Variants in ASIC2 observed in about 807,000 individuals in gnomAD.
ASIC2 encodes acid-sensing ion channel 2.
In ASIC2, 25 loss-of-function variants were observed where a neutral mutation model predicts 57.3. That is an observed-to-expected ratio of 0.44 (90% CI 0.32 to 0.61). The LOEUF (loss-of-function observed/expected upper bound fraction) is 0.61. ASIC2 is among the 20% of genes least tolerant of loss of function. The probability of loss-of-function intolerance (pLI) is 0.06; values close to 1 mark genes in which losing one functional copy is unlikely to be tolerated. For missense variants in ASIC2, 641 were observed against 738.1 expected (o/e 0.87, Z 1.52); for synonymous variants, 319 against 307.5 (o/e 1.04, Z -0.39).
At chr17:33,334,745 T>C (rs1907447764) in intron 1 of ASIC2, among the ~76,000 whole-genome samples, 1 of 152,210 alleles carries the variant, frequency 6.6e-6, no homozygotes, top group South Asian at 2.1e-4. Context: ...ATGGCTTGTG[T>C]GTCATCCTCT....
chr17:34,021,849 T>A (rs1418964986), intron 1 of ASIC2, among the ~76,000 whole-genome samples: 4 of 148,458 alleles, frequency 2.7e-5, no homozygotes, highest in Non-Finnish European at 6.0e-5. Flanking sequence ...TTTTTTTTTT[T>A]TTTTTTGAGA....
At chr17:33,458,178 G>A (rs111965759) in intron 1 of ASIC2, among the ~76,000 whole-genome samples, 3 of 152,112 alleles carry the variant, frequency 2.0e-5, no homozygotes, top group South Asian at 2.1e-4. Flanking sequence ...AAGAAGCCTC[G>A]AATCTCTAGG....
chr17:33,819,708 A>G (rs952182324), intron 1 of ASIC2, among the ~76,000 whole-genome samples: 1 of 152,230 alleles, frequency 6.6e-6, no homozygotes, highest in African/African-American at 2.4e-5. Flanking sequence ...GCTCGTGCCA[A>G]GCAAACTTGG....
intron 1 of ASIC2, among the ~76,000 whole-genome samples, chr17:33,789,786 C>A (rs1224588995): frequency 6.6e-6 from 1 of 152,108 alleles, no homozygotes; most frequent in Non-Finnish European, 1.5e-5. Flanking sequence ...ATTTTGGTCA[C>A]TTCTGTGCGT....
At chr17:34,037,798 T>C in intron 1 of ASIC2, 2 of 1,614,222 alleles carry the variant, frequency 1.2e-6, no homozygotes, top group Non-Finnish European at 1.7e-6. Context: ...TCAACGCCTT[T>C]GCTTCAGGTG....
At chr17:33,949,750 A>G (rs961354333) in intron 1 of ASIC2, among the ~76,000 whole-genome samples, 1 of 152,192 alleles carries the variant, frequency 6.6e-6, no homozygotes, top group African/African-American at 2.4e-5. Context: ...TTTGGTACCA[A>G]TCTTATCAAA....
intron 1 of ASIC2, among the ~76,000 whole-genome samples, chr17:33,415,151 G>C (rs535590914): frequency 6.7e-6 from 1 of 150,290 alleles, no homozygotes; most frequent in Non-Finnish European, 1.5e-5. Flanking sequence ...TCTAAGTTTT[G>C]GTTAAAACAT....
chr17:33,682,090 C>A (rs1420413501), intron 1 of ASIC2, among the ~76,000 whole-genome samples: 5 of 130,832 alleles, frequency 3.8e-5, no homozygotes, highest in Non-Finnish European at 6.2e-5. Flanking sequence ...GACAGAGTCT[C>A]TCTCTGTTGC....
At chr17:34,019,861 C>T (rs1229442445) in intron 1 of ASIC2, among the ~76,000 whole-genome samples, 2 of 152,206 alleles carry the variant, frequency 1.3e-5, no homozygotes, top group Non-Finnish European at 2.9e-5. Flanking sequence ...CTGCATTCAG[C>T]TCCAAGTTTT....
intron 3 of ASIC2, among the ~76,000 whole-genome samples, chr17:33,031,630 T>C (rs887073477): frequency 1.3e-5 from 2 of 152,216 alleles, no homozygotes; most frequent in African/African-American, 4.8e-5. Flanking sequence ...TTAATATTGT[T>C]GCTCGGATCT....
intron 1 of ASIC2, among the ~76,000 whole-genome samples, chr17:33,512,897 G>A (rs1304394422): frequency 1.3e-5 from 2 of 152,224 alleles, no homozygotes; most frequent in Non-Finnish European, 2.9e-5. Flanking sequence ...GTGCCAGCTG[G>A]TAGCCCCAGA....
chr17:33,053,878 G>A (rs1377268028), intron 3 of ASIC2, among the ~76,000 whole-genome samples: 1 of 152,184 alleles, frequency 6.6e-6, no homozygotes, highest in Non-Finnish European at 1.5e-5. Flanking sequence ...ATGACTGGCA[G>A]TTAGCAAAAT....
chr17:34,004,596 G>A (rs572043281), intron 1 of ASIC2: 2 of 152,200 alleles, frequency 1.3e-5, no homozygotes, highest in African/African-American at 4.8e-5. Context: ...GGCCTTTTCT[G>A]TGACCTTACG....
intron 1 of ASIC2, among the ~76,000 whole-genome samples, chr17:33,261,346 G>A (rs1197947517): frequency 6.6e-6 from 1 of 152,192 alleles, no homozygotes; most frequent in Non-Finnish European, 1.5e-5. Flanking sequence ...TTGTGGATTA[G>A]AAAACAGCTG....
intron 1 of ASIC2, among the ~76,000 whole-genome samples, chr17:34,076,317 T>G (rs1308394678): frequency 6.6e-6 from 1 of 152,122 alleles, no homozygotes; most frequent in Non-Finnish European, 1.5e-5. Context: ...CTTTCAAGTC[T>G]TTTGCTCACA....
intron 1 of ASIC2, among the ~76,000 whole-genome samples, chr17:34,145,906 G>T (rs1912404263): frequency 6.6e-6 from 1 of 152,226 alleles, no homozygotes; most frequent in African/African-American, 2.4e-5. Flanking sequence ...AAGCCAGGCT[G>T]ATGCACATTC....
chr17:33,027,293 C>G (rs2091863288), intron 4 of ASIC2, among the ~76,000 whole-genome samples: 1 of 152,134 alleles, frequency 6.6e-6, no homozygotes. Context: ...TAGATTTGGG[C>G]CCACCTTTCA....
intron 1 of ASIC2, among the ~76,000 whole-genome samples, chr17:34,058,893 T>G (rs1403761498): frequency 1.3e-5 from 2 of 152,202 alleles, no homozygotes; most frequent in African/African-American, 2.4e-5. Context: ...TGACCTATAT[T>G]TCATAGAAGA....
intron 1 of ASIC2, among the ~76,000 whole-genome samples, chr17:33,254,860 G>A (rs1909005836): frequency 6.6e-6 from 1 of 152,024 alleles, no homozygotes; most frequent in Non-Finnish European, 1.5e-5. Context: ...ACGTGCATGG[G>A]TGCACAGCAA....
Sources: allele counts gnomAD v4.1 joint callset (sites outside exome capture counted in the v4.1 genomes callset), GRCh38; gene constraint gnomAD v4.1.1; transcripts MANE v1.5; gene names NCBI Gene and HGNC (gene_info 2026-07-23, HGNC 2026-07-21).